The following SNX7 variants were observed in gnomAD, a reference collection of about 807,000 sequenced individuals.
SNX7 encodes the protein sorting nexin 7.
In SNX7, 35 loss-of-function variants were observed where a neutral mutation model predicts 48.4. That is an observed-to-expected ratio of 0.72 (90% CI 0.55 to 0.96). SNX7 has a LOEUF of 0.96. Ranked by LOEUF, SNX7 falls within the 40% of genes least tolerant of loss-of-function variation. The pLI is 0.00. For missense variants in SNX7, 553 were observed against 548.9 expected, an observed-to-expected ratio of 1.01 and a Z score of -0.07; for synonymous variants, 190 against 190.2, an observed-to-expected ratio of 1.00 and a Z score of 0.01.
At chr1:98,736,484 A>G (rs919922476) in intron 7 of SNX7, among the ~76,000 whole-genome samples, 1 of 152,144 alleles carries the variant, frequency 6.6e-6, no homozygotes, top group Non-Finnish European at 1.5e-5. Context: ...ACAGCCTATC[A>G]TTATTAGTTA....
rs372359405 is a variant in SNX7, at chr1:98,698,352, C to G, written c.839-354C>G. On this transcript the variant is annotated intron_variant, in intron 5 of 8. Coordinates refer to ENST00000306121, the MANE Select transcript of SNX7 (RefSeq NM_015976.5). ...TCAGAAGAAGGGGAGAAAGAAGATG[C>G]TAAGTTTTTTTCAGGGCATGTTGCC... is the stretch of plus-strand genomic sequence containing the variant. Among the ~76,000 whole-genome samples, 5 of 152,186 alleles carry G rather than the reference C, an allele frequency of 3.3e-5. No homozygotes were observed. The East Asian group carries it at 5.8e-4, about 18-fold the overall frequency.
At chr1:98,704,587 A>G (rs957183068) in intron 7 of SNX7, among the ~76,000 whole-genome samples, 3 of 152,180 alleles carry the variant, frequency 2.0e-5, no homozygotes, top group Non-Finnish European at 2.9e-5. Context: ...GCTTAGAAAT[A>G]TGCAGGATAG....
chr1:98,672,066 G>A (rs1354268239), intron 1 of SNX7, among the ~76,000 whole-genome samples: 2 of 152,172 alleles, frequency 1.3e-5, no homozygotes, highest in Non-Finnish European at 2.9e-5. Context: ...AAATGTGCAT[G>A]TGTATTTTGT....
chr1:98,702,871 A>C lies in SNX7; in HGVS notation c.1125+968A>C, dbSNP rs937273358. ...AGGATTTAGGTTGTTATTGAATACA[A>C]TATTGAGTGCACTTACATCAGGTGA... is the stretch of plus-strand genomic sequence containing the variant. On this transcript the variant is annotated intron_variant, in intron 7 of 8. Coordinates refer to ENST00000306121, the MANE Select transcript of SNX7 (RefSeq NM_015976.5). Among the ~76,000 whole-genome samples the C allele has an allele frequency of 2.6e-5, 4 of 152,122 alleles. No homozygotes were observed. In the East Asian group the frequency reaches 5.8e-4, roughly 22 times the overall value.
intron 8 of SNX7, among the ~76,000 whole-genome samples, chr1:98,746,734 T>C (rs1654326126): frequency 6.6e-6 from 1 of 152,232 alleles, no homozygotes; most frequent in East Asian, 1.9e-4. Flanking sequence ...GTTTGCATAA[T>C]TTGATGCAAC....
chr1:98,675,750 T>C (rs1650125885), intron 1 of SNX7, among the ~76,000 whole-genome samples: 1 of 152,222 alleles, frequency 6.6e-6, no homozygotes, highest in East Asian at 1.9e-4. Context: ...TTGTACATGC[T>C]GATTACACAT....
intron 1 of SNX7, among the ~76,000 whole-genome samples, chr1:98,675,561 C>T (rs774814693): frequency 1.8e-4 from 27 of 152,202 alleles, no homozygotes; most frequent in Non-Finnish European, 3.2e-4. Flanking sequence ...AAATAGAATG[C>T]TAAATTATGT....
intron 7 of SNX7, among the ~76,000 whole-genome samples, chr1:98,706,607 G>T (rs1652020369): frequency 6.6e-6 from 1 of 152,184 alleles, no homozygotes; most frequent in Non-Finnish European, 1.5e-5. Context: ...AGCACAAGAT[G>T]ATGTGCATGT....
At chr1:98,685,568 TA>T (rs1650748023) in intron 2 of SNX7, among the ~76,000 whole-genome samples, 1 of 152,156 alleles carries the variant, frequency 6.6e-6, no homozygotes, top group Non-Finnish European at 1.5e-5. Flanking sequence ...CAGATCTCTT[TA>T]ATCGTAGGGC....
At chr1:98,725,186 T>A (rs1161700910) in intron 7 of SNX7, among the ~76,000 whole-genome samples, 1 of 152,202 alleles carries the variant, frequency 6.6e-6, no homozygotes, top group Non-Finnish European at 1.5e-5. Flanking sequence ...ATATTTATAT[T>A]TGTTAATTTA....
intron 8 of SNX7, among the ~76,000 whole-genome samples, chr1:98,753,036 G>A (rs1387585205): frequency 6.6e-6 from 1 of 151,914 alleles, no homozygotes; most frequent in African/African-American, 2.4e-5. Context: ...TACAATTTAC[G>A]AGATTTATCA....
Position 98,698,791 on chromosome 1 carries a change from T to A in SNX7, c.924T>A (p.Asp308Glu), listed in dbSNP as rs188108880. The A allele has an allele frequency of 6.2e-7, 1 of 1,613,812 alleles. No individual in the cohort carries two copies. The highest frequency in any genetic ancestry group is 1.3e-5 in the African/African-American group (1 of 75,010). The change falls in exon 6 of 9, where the codon GAT becomes GAA. Residue 308 changes from aspartate to glutamate, a missense_variant. Physicochemically the swap from Asp to Glu is conservative, Grantham distance 45. Coordinates refer to ENST00000306121, the MANE Select transcript of SNX7 (RefSeq NM_015976.5). ...AGGATCTGGTTGATACTCTAAAGGATGTTGCCAGCTGCATTGACAGATGCT... is the reference window on the plus strand; with the variant it reads ...AGGATCTGGTTGATACTCTAAAGGAAGTTGCCAGCTGCATTGACAGATGCT... Reference protein sequence around the residue: ...SEEDLVDTLKDVASCIDRCCK... With the variant: ...SEEDLVDTLKEVASCIDRCCK...
At position 98,701,235 on chromosome 1, in the gene SNX7, G is replaced by A. The variant is rs1474682052; in HGVS notation, c.1039-582G>A. ...GAAAACAAGAAACTCCTATCAAAGAGGAGGCTATGATCTCTCATCCAAAGC... is the reference window on the plus strand; with the variant it reads ...GAAAACAAGAAACTCCTATCAAAGAAGAGGCTATGATCTCTCATCCAAAGC... On this transcript the variant is annotated intron_variant, in intron 6 of 8. Coordinates refer to ENST00000306121, the MANE Select transcript of SNX7 (RefSeq NM_015976.5). 2.6e-5 allele frequency among the ~76,000 whole-genome samples: 4 copies of A among 152,228 alleles called. No homozygotes were observed. In the East Asian group the frequency reaches 7.7e-4, roughly 29 times the overall value.
In SNX7 at chr1:98,691,289, C is replaced by A; in HGVS notation, c.474+104C>A. On this transcript the variant is annotated intron_variant, in intron 3 of 8. Transcript: ENST00000306121. The stretch of plus-strand genomic sequence containing the variant: ...TTCAGACCTTAAGTTCACTGTAATT[C>A]ATTTATCTTAGGAATAATATTTATT... 4.8e-6 allele frequency: 3 copies of A among 629,006 alleles called. No individual in the cohort carries two copies. The South Asian group carries it at 8.7e-5, about 18-fold the overall frequency. 39.0% of individuals were successfully genotyped at this position (629,006 alleles called of 1,614,324 possible). A position where few individuals can be genotyped will look rare whatever the true frequency, so the allele number is the denominator to read the frequency against.
At chr1:98,742,711 C>T (rs1470142191) in intron 8 of SNX7, among the ~76,000 whole-genome samples, 1 of 151,888 alleles carries the variant, frequency 6.6e-6, no homozygotes, top group East Asian at 1.9e-4. Flanking sequence ...AAAGAATACC[C>T]ATATAATCCT....
intron 7 of SNX7, among the ~76,000 whole-genome samples, chr1:98,713,719 C>T (rs1652440259): frequency 6.6e-6 from 1 of 152,132 alleles, no homozygotes; most frequent in African/African-American, 2.4e-5. Context: ...ATTATTGTCT[C>T]TCAGGGAATA....
intron 1 of SNX7, among the ~76,000 whole-genome samples, chr1:98,667,499 C>T (rs1464359500): frequency 1.3e-5 from 2 of 152,108 alleles, no homozygotes; most frequent in African/African-American, 2.4e-5. Flanking sequence ...ACCTCAGCCT[C>T]CCCAGTAGCT....
chr1:98,727,763 G>T (rs1414557381), intron 7 of SNX7, among the ~76,000 whole-genome samples: 2 of 151,894 alleles, frequency 1.3e-5, no homozygotes, highest in African/African-American at 4.8e-5. Flanking sequence ...TAACCGAATA[G>T]ACCAAGCGGA....
intron 7 of SNX7, among the ~76,000 whole-genome samples, chr1:98,708,232 A>G (rs770762661): frequency 6.6e-6 from 1 of 152,170 alleles, no homozygotes; most frequent in Non-Finnish European, 1.5e-5. Flanking sequence ...CCACACATGT[A>G]TACATATACA....
Sources: gnomAD v4.1 joint callset for allele counts (sites outside exome capture counted in the v4.1 genomes callset) on GRCh38, gnomAD v4.1.1 for gene constraint, MANE v1.5 for transcripts, NCBI Gene and HGNC (gene_info 2026-07-23, HGNC 2026-07-21) for gene names.